The following CATSPERB variants were observed in gnomAD, a reference collection of about 807,000 sequenced individuals.
CATSPERB encodes the protein catsper channel auxiliary subunit beta, also known as cation channel sperm-associated auxiliary subunit beta.
Under a neutral mutation model 128.3 loss-of-function variants are expected in CATSPERB, and 93 were observed. The ratio of observed to expected loss-of-function variants is 0.72; its 90% CI spans 0.61 to 0.86. CATSPERB has a LOEUF of 0.86. Ranked by LOEUF, CATSPERB falls within the 40% of genes least tolerant of loss-of-function variation. The probability of loss-of-function intolerance (pLI) is 0.00; values close to 1 mark genes in which losing one functional copy is unlikely to be tolerated. For synonymous variants in CATSPERB, 381 were observed against 448.8 expected, an observed-to-expected ratio of 0.85 and a Z score of 1.91; for missense variants, 1,153 against 1,329.5, an observed-to-expected ratio of 0.87 and a Z score of 2.06.
At chr14:91,689,803 C>T (rs1269298493) in intron 10 of CATSPERB, among the ~76,000 whole-genome samples, 2 of 152,082 alleles carry the variant, frequency 1.3e-5, no homozygotes, top group African/African-American at 2.4e-5. Context: ...CAATTCTTAA[C>T]ATATATGCTG....
chr14:91,725,967 A>C lies in CATSPERB; in HGVS notation c.80-799T>G, dbSNP rs1011820005. 4.6e-5 allele frequency among the ~76,000 whole-genome samples: 7 copies of C among 152,174 alleles called. No individual in the cohort carries two copies. In the East Asian group the frequency reaches 1.2e-3, roughly 25 times the overall value. On this transcript the variant is annotated intron_variant, in intron 2 of 26. Coordinates refer to ENST00000256343, the MANE Select transcript of CATSPERB (RefSeq NM_024764.4). ...ATGAACAGAAGAGCAAAAGAACAGCAGAGAGAAGAGAAGGAGCATCTAAAT... is the reference window on the plus strand; with the variant it reads ...ATGAACAGAAGAGCAAAAGAACAGCCGAGAGAAGAGAAGGAGCATCTAAAT...
chr14:91,635,074 C>G (rs1212212908), intron 17 of CATSPERB, among the ~76,000 whole-genome samples: 1 of 151,934 alleles, frequency 6.6e-6, no homozygotes. Context: ...AAGGGCCTAG[C>G]TGGCTCTGTC....
intron 15 of CATSPERB, among the ~76,000 whole-genome samples, chr14:91,652,595 C>T (rs1428340855): frequency 4.3e-5 from 6 of 140,206 alleles, no homozygotes; most frequent in South Asian, 2.3e-4. Context: ...CGCTTGAACC[C>T]GGGAGGCGGA....
chr14:91,619,399 G>C (rs978815764), intron 19 of CATSPERB, among the ~76,000 whole-genome samples: 2 of 152,198 alleles, frequency 1.3e-5, no homozygotes, highest in African/African-American at 2.4e-5. Context: ...CAATCAACAA[G>C]AAAGGATTTC....
intron 22 of CATSPERB, chr14:91,605,364 G>GA: frequency 1.6e-6 from 1 of 632,096 alleles, no homozygotes; most frequent in Non-Finnish European, 2.8e-6. Context: ...AGCTGGACTG[G>GA]AAAAAAGGTT....
At chr14:91,723,269 A>G in intron 3 of CATSPERB, 80 bp from the exon 4 acceptor site, 1 of 1,071,846 alleles carries the variant, frequency 9.3e-7, no homozygotes, top group Non-Finnish European at 1.2e-6. Flanking sequence ...AAAAGTGATT[A>G]GTAATTCCAG....
chr14:91,723,137 A>G lies in CATSPERB; in HGVS notation c.221T>C (p.Leu74Pro). 6.5e-7 allele frequency: 1 copy of G among 1,542,668 alleles called. No individual in the cohort carries two copies. Among genetic ancestry groups the G allele is most frequent in the Non-Finnish European group, 8.7e-7 (1 of 1,144,174 alleles). ...TENEIASKAM[L>P]SVFTSGGLAP... ...AAGTCCTCCTGATGTGAACACACTT[A>G]GCATTGCTTTTGATGCAATTTCATT... The change falls in exon 4 of 27, where the codon CTA becomes CCA. Residue 74 changes from leucine (L) to proline (P), a missense_variant. Coordinates refer to ENST00000256343, the MANE Select transcript of CATSPERB (RefSeq NM_024764.4).
intron 19 of CATSPERB, among the ~76,000 whole-genome samples, chr14:91,619,745 T>G (rs1272706915): frequency 6.6e-6 from 1 of 152,096 alleles, no homozygotes; most frequent in Non-Finnish European, 1.5e-5. Context: ...TTTAAAGTTC[T>G]TTTCCTCAAT....
At chr14:91,676,087 G>C (rs1182760366) in intron 11 of CATSPERB, among the ~76,000 whole-genome samples, 1 of 152,064 alleles carries the variant, frequency 6.6e-6, no homozygotes, top group African/African-American at 2.4e-5. Context: ...CCTGAACTTA[G>C]ATTAAGGTTG....
At chr14:91,634,836 G>A (rs1868403485) in intron 17 of CATSPERB, among the ~76,000 whole-genome samples, 1 of 149,490 alleles carries the variant, frequency 6.7e-6, no homozygotes, top group South Asian at 2.2e-4. Context: ...TTCCAACCTG[G>A]TATAAGAATA....
intron 5 of CATSPERB, among the ~76,000 whole-genome samples, chr14:91,717,939 G>A (rs1441696884): frequency 6.6e-6 from 1 of 152,170 alleles, no homozygotes; most frequent in Non-Finnish European, 1.5e-5. Flanking sequence ...TCAGTCAGGG[G>A]AGTTGTATCA....
chr14:91,586,563 G>A (rs201763422), intron 26 of CATSPERB, among the ~76,000 whole-genome samples: 3 of 46,714 alleles, frequency 6.4e-5, no homozygotes, highest in Non-Finnish European at 1.4e-4. Context: ...GAGAGAGAGA[G>A]AGAGAGAAAG....
At chr14:91,619,069 A>C (rs527498856) in intron 19 of CATSPERB, among the ~76,000 whole-genome samples, 24 of 152,350 alleles carry the variant, frequency 1.6e-4, no homozygotes, top group Non-Finnish European at 2.9e-4. Flanking sequence ...CCCTTTAATA[A>C]GCAATTCAGT....
chr14:91,723,018 C>A (rs1192366086), intron 4 of CATSPERB, 31 bp downstream of exon 4: 9 of 1,439,266 alleles, frequency 6.3e-6, no homozygotes, highest in East Asian at 2.5e-5. Context: ...TTGTTAATAA[C>A]ATATCACAGA....
intron 1 of CATSPERB, among the ~76,000 whole-genome samples, chr14:91,730,447 A>G (rs1896192934): frequency 6.6e-6 from 1 of 152,178 alleles, no homozygotes; most frequent in African/African-American, 2.4e-5. Flanking sequence ...GAACTGTGAG[A>G]AAATAAATTT....
intron 15 of CATSPERB, among the ~76,000 whole-genome samples, chr14:91,646,775 A>G (rs952890976): frequency 2.0e-5 from 3 of 152,242 alleles, no homozygotes; most frequent in African/African-American, 7.2e-5. Context: ...CAATACAATG[A>G]TGAATAGAGG....
At chr14:91,645,851 A>G (rs968769325) in intron 15 of CATSPERB, among the ~76,000 whole-genome samples, 6 of 150,172 alleles carry the variant, frequency 4.0e-5, no homozygotes, top group Non-Finnish European at 8.9e-5. Flanking sequence ...TGTGCTAGCC[A>G]TCAGCGAGAT....
intron 15 of CATSPERB, among the ~76,000 whole-genome samples, chr14:91,650,277 G>C (rs759973878): frequency 2.0e-5 from 3 of 147,978 alleles, no homozygotes; most frequent in Non-Finnish European, 4.5e-5. Flanking sequence ...TTTTATTGCT[G>C]CTTAAAATGC....
At chr14:91,609,968 G>A (rs12435736) in intron 21 of CATSPERB, among the ~76,000 whole-genome samples, 7,083 of 152,176 alleles carry the variant, frequency 0.047, 531 homozygotes, top group African/African-American at 0.16. Flanking sequence ...TGATCTGCCC[G>A]CCTTGACCTC....
Sources: allele counts gnomAD v4.1 joint callset (sites outside exome capture counted in the v4.1 genomes callset), GRCh38; gene constraint gnomAD v4.1.1; transcripts MANE v1.5; gene names NCBI Gene and HGNC (gene_info 2026-07-23, HGNC 2026-07-21).